UBR3: variants seen among roughly 807,000 people sequenced by gnomAD.
The protein encoded by UBR3 is E3 ubiquitin-protein ligase UBR3.
A neutral mutation model predicts 243.2 loss-of-function variants in UBR3; 85 were observed. The ratio of observed to expected loss-of-function variants is 0.35; its 90% CI spans 0.29 to 0.42. UBR3 has a LOEUF of 0.42. Ranked by LOEUF, UBR3 falls within the 10% of genes least tolerant of loss-of-function variation. UBR3 has a pLI of 1.00. For synonymous variants in UBR3, 748 were observed against 799.8 expected, an observed-to-expected ratio of 0.94 and a Z score of 1.09; for missense variants, 1,686 against 2,300.8, an observed-to-expected ratio of 0.73 and a Z score of 5.47.
At chr2:169,836,067 A>ATATTTTTTT (rs1558999159) in intron 1 of UBR3, among the ~76,000 whole-genome samples, 1 of 32,670 alleles carries the variant, frequency 3.1e-5, no homozygotes, top group Non-Finnish European at 5.1e-5. Flanking sequence ...ATATATATAT[A>ATATTTTTTT]TTTTTTTTTT....
intron 26 of UBR3, among the ~76,000 whole-genome samples, chr2:170,000,517 C>T (rs991426921): frequency 6.6e-6 from 1 of 152,182 alleles, no homozygotes; most frequent in Non-Finnish European, 1.5e-5. Flanking sequence ...TATAGAATGA[C>T]TCTTGGCTTT....
intron 9 of UBR3, 34 bp from the exon 10 acceptor site, chr2:169,905,997 T>TGACAA: frequency 6.5e-7 from 1 of 1,542,138 alleles, no homozygotes; most frequent in Non-Finnish European, 8.7e-7. Flanking sequence ...TGCTTCCACT[T>TGACAA]GACAAGGTTT....
chr2:169,891,611 GAGACACAC>G (rs1171522694), intron 6 of UBR3, among the ~76,000 whole-genome samples: 2 of 82,238 alleles, frequency 2.4e-5, no homozygotes, highest in African/African-American at 9.1e-5. Context: ...GAGAGAGACA[GAGACACAC>G]ACACACACAC....
At chr2:169,957,330 A>G (rs1376271014) in intron 23 of UBR3, among the ~76,000 whole-genome samples, 1 of 151,758 alleles carries the variant, frequency 6.6e-6, no homozygotes, top group East Asian at 1.9e-4. Context: ...CATCAGTGAT[A>G]GACTGGATTA....
chr2:169,919,306 C>T (rs529281325), intron 11 of UBR3, among the ~76,000 whole-genome samples: 1 of 152,228 alleles, frequency 6.6e-6, no homozygotes, highest in East Asian at 1.9e-4. Context: ...GTAAGACTAC[C>T]TTCTGGCAGC....
chr2:169,962,178 T>C (rs1417241488), intron 24 of UBR3, among the ~76,000 whole-genome samples: 2 of 152,130 alleles, frequency 1.3e-5, no homozygotes, highest in Non-Finnish European at 2.9e-5. Flanking sequence ...GTCGTGTGAG[T>C]GAGCTTGGTT....
At chr2:169,978,153 G>A (rs1329859603) in intron 24 of UBR3, among the ~76,000 whole-genome samples, 1 of 152,160 alleles carries the variant, frequency 6.6e-6, no homozygotes, top group Non-Finnish European at 1.5e-5. Flanking sequence ...GTCCTTGGTG[G>A]CAAGGCCTTT....
chr2:169,862,286 T>C (rs535098708), intron 1 of UBR3, among the ~76,000 whole-genome samples: 58 of 152,150 alleles, frequency 3.8e-4, no homozygotes, highest in Non-Finnish European at 6.9e-4. Context: ...TAAAGTTTTT[T>C]CTTTTCGTTC....
At chr2:169,868,141 C>T (rs1049205548) in intron 1 of UBR3, among the ~76,000 whole-genome samples, 2 of 151,930 alleles carry the variant, frequency 1.3e-5, no homozygotes, top group Non-Finnish European at 2.9e-5. Flanking sequence ...GATATCTATC[C>T]ACATTCTTTT....
intron 11 of UBR3, among the ~76,000 whole-genome samples, chr2:169,922,942 A>G (rs945024610): frequency 2.6e-5 from 4 of 152,318 alleles, no homozygotes; most frequent in East Asian, 3.9e-4. Flanking sequence ...TGTAAATTAT[A>G]TACATTAGCA....
At chr2:169,846,189 T>C (rs2082472531) in intron 1 of UBR3, among the ~76,000 whole-genome samples, 1 of 152,242 alleles carries the variant, frequency 6.6e-6, no homozygotes, top group African/African-American at 2.4e-5. Context: ...GATTTGTCTC[T>C]ATTTCCTTGA....
At chr2:170,004,994 C>T (rs559286603) in intron 27 of UBR3, among the ~76,000 whole-genome samples, 2 of 152,088 alleles carry the variant, frequency 1.3e-5, no homozygotes, top group East Asian at 3.9e-4. Flanking sequence ...GAGGCCGAGG[C>T]GGATGGATCA....
intron 28 of UBR3, among the ~76,000 whole-genome samples, chr2:170,008,512 ATTATT>A (rs2089989759): frequency 6.6e-6 from 1 of 152,134 alleles, no homozygotes; most frequent in South Asian, 2.1e-4. Flanking sequence ...GTTCTAACAT[ATTATT>A]TTAATACCAT....
In UBR3 at chr2:170,017,584, G is replaced by C. The variant is rs72874489; in HGVS notation, c.4453+2218G>C. Among the ~76,000 whole-genome samples, 465 of 91,258 alleles carry C rather than the reference G, an allele frequency of 5.1e-3. 3 individuals are homozygous for C. The highest frequency in any genetic ancestry group is 0.023 in the African/African-American group (429 of 18,998). The allele number at this position is 91,258 out of a possible 152,430, so 59.9% of individuals were successfully genotyped here. On this transcript the variant is annotated intron_variant, in intron 30 of 38. Transcript: ENST00000272793. Reference sequence around the variant, plus strand: ...ACACACACACACACACACACACACAGGGGGAGAAGGGAAGATTGTTCTTTC... The same window carrying C: ...ACACACACACACACACACACACACACGGGGAGAAGGGAAGATTGTTCTTTC...
intron 1 of UBR3, among the ~76,000 whole-genome samples, chr2:169,837,851 T>C (rs556083824): frequency 6.6e-6 from 1 of 152,338 alleles, no homozygotes; most frequent in African/African-American, 2.4e-5. Context: ...TTTTTCAATA[T>C]GAGGATTCAC....
At chr2:170,011,001 AAAAAT>A (rs921574190) in intron 29 of UBR3, among the ~76,000 whole-genome samples, 1 of 151,984 alleles carries the variant, frequency 6.6e-6, no homozygotes, top group African/African-American at 2.4e-5. Context: ...TATCTCTATG[AAAAAT>A]AAAAAAAAAT....
chr2:169,903,858 A>T (rs553162675), intron 8 of UBR3, among the ~76,000 whole-genome samples: 1 of 152,270 alleles, frequency 6.6e-6, no homozygotes, highest in Admixed American at 6.5e-5. Flanking sequence ...CCCATCTTTG[A>T]AAAAATATAT....
At chr2:169,920,292 A>G (rs918317105) in intron 11 of UBR3, among the ~76,000 whole-genome samples, 2 of 152,126 alleles carry the variant, frequency 1.3e-5, no homozygotes, top group African/African-American at 4.8e-5. Flanking sequence ...CAGGAAGGGG[A>G]ACGTCACACA....
At chr2:170,058,158 CCTT>C (rs1229572516) in intron 33 of UBR3, among the ~76,000 whole-genome samples, 2 of 152,100 alleles carry the variant, frequency 1.3e-5, no homozygotes, top group African/African-American at 2.4e-5. Context: ...TTTTTCACTT[CCTT>C]CTTTACGTCT....
Sources: allele counts gnomAD v4.1 joint callset (sites outside exome capture counted in the v4.1 genomes callset), GRCh38; gene constraint gnomAD v4.1.1; transcripts MANE v1.5; gene names NCBI Gene and HGNC (gene_info 2026-07-23, HGNC 2026-07-21).